Variants in MCC observed in about 807,000 individuals in gnomAD.
MCC encodes MCC regulator of Wnt signaling pathway, also known as colorectal mutant cancer protein.
MCC carries 90 observed loss-of-function variants against 116.2 expected under a neutral mutation model. The observed-to-expected ratio is 0.77, with a 90% CI of 0.65 to 0.92. The LOEUF is 0.92. Ranked by LOEUF, MCC falls within the 40% of genes least tolerant of loss-of-function variation. The pLI is 0.00. For synonymous variants in MCC, 578 were observed against 510.5 expected (o/e 1.13, Z -1.78); for missense variants, 1,516 against 1,312.2 (o/e 1.16, Z -2.40).
intron 11 of MCC, among the ~76,000 whole-genome samples, chr5:113,079,433 C>G (rs1754689068): frequency 6.6e-6 from 1 of 152,204 alleles, no homozygotes; most frequent in African/African-American, 2.4e-5. Context: ...GTAACCAAAA[C>G]AGCATGGTAC....
chr5:113,230,918 G>A (rs188330786), intron 3 of MCC, among the ~76,000 whole-genome samples: 282 of 152,108 alleles, frequency 1.9e-3, no homozygotes, highest in South Asian at 5.4e-3. Context: ...ATGCTCCTAC[G>A]TGCTCCCCAT....
intron 17 of MCC, among the ~76,000 whole-genome samples, chr5:113,036,075 G>A (rs964998764): frequency 3.2e-5 from 4 of 126,962 alleles, no homozygotes; most frequent in Admixed American, 1.9e-4. Context: ...TCACTCTTTC[G>A]CCCGGTCTGA....
intron 1 of MCC, among the ~76,000 whole-genome samples, chr5:113,474,671 G>A (rs1772189197): frequency 6.6e-6 from 1 of 152,192 alleles, no homozygotes; most frequent in Admixed American, 6.5e-5. Flanking sequence ...GGGCAAGCCT[G>A]CAGATTAGAA....
intron 4 of MCC, among the ~76,000 whole-genome samples, chr5:113,150,945 G>A (rs1759824597): frequency 6.6e-6 from 1 of 152,114 alleles, no homozygotes; most frequent in Admixed American, 6.5e-5. Flanking sequence ...TTGGGAGGCT[G>A]CGGTGTGAGG....
chr5:113,083,520 T>C (rs771082689), intron 10 of MCC, among the ~76,000 whole-genome samples: 3 of 152,212 alleles, frequency 2.0e-5, no homozygotes, highest in African/African-American at 7.2e-5. Flanking sequence ...GAGGATCAAA[T>C]AGCTGGCTCT....
chr5:113,215,243 T>C lies in MCC; in HGVS notation c.628-63821A>G, dbSNP rs527619598. ...ACTGTATTTTAGTTGCTTGGTATAA[T>C]AGCTTGTCTATTTCCTCTACTAGAC... On this transcript the variant is annotated intron_variant, in intron 3 of 18. Coordinates refer to ENST00000408903, the MANE Select transcript of MCC (RefSeq NM_001085377.2). 9.7e-4 allele frequency among the ~76,000 whole-genome samples: 147 copies of C among 152,312 alleles called. 1 individual carries two copies. The highest frequency in any genetic ancestry group is 3.5e-3 in the African/African-American group (144 of 41,574).
chr5:113,353,175 G>C (rs1768324571), intron 2 of MCC, among the ~76,000 whole-genome samples: 1 of 152,156 alleles, frequency 6.6e-6, no homozygotes, highest in Admixed American at 6.5e-5. Flanking sequence ...TGCTGGAAAT[G>C]CTGCTCCTCA....
In MCC at chr5:113,248,997, C is replaced by G. The variant is rs528900789; in HGVS notation, c.627+91522G>C. 2.6e-5 allele frequency among the ~76,000 whole-genome samples: 4 copies of G among 152,212 alleles called. No homozygotes were observed. The South Asian group carries it at 8.3e-4, about 32-fold the overall frequency. On this transcript the variant is annotated intron_variant, in intron 3 of 18. Coordinates refer to ENST00000408903, the MANE Select transcript of MCC (RefSeq NM_001085377.2). Reference sequence around the variant, plus strand: ...TAGCTGGGATTACAGGTGTGCATCACCATGCCTGGCTAATTTTTGTATTTT... The same window carrying G: ...TAGCTGGGATTACAGGTGTGCATCAGCATGCCTGGCTAATTTTTGTATTTT...
chr5:113,331,060 G>A (rs1470130153), intron 3 of MCC, among the ~76,000 whole-genome samples: 1 of 152,206 alleles, frequency 6.6e-6, no homozygotes, highest in Non-Finnish European at 1.5e-5. Flanking sequence ...ACAGATGCCC[G>A]GAAGATGCCA....
At chr5:113,035,034 C>G (rs1056377144) in intron 17 of MCC, among the ~76,000 whole-genome samples, 1 of 152,188 alleles carries the variant, frequency 6.6e-6, no homozygotes, top group Non-Finnish European at 1.5e-5. Flanking sequence ...TCTTAATCTT[C>G]TGGCCTTTCC....
At chr5:113,148,756 A>C (rs1023158256) in intron 4 of MCC, among the ~76,000 whole-genome samples, 3 of 152,166 alleles carry the variant, frequency 2.0e-5, no homozygotes, top group Non-Finnish European at 4.4e-5. Flanking sequence ...CCTAGGTTCC[A>C]GTATATGAAC....
intron 2 of MCC, among the ~76,000 whole-genome samples, chr5:113,364,238 G>GAA (rs60976854): frequency 6.2e-3 from 308 of 49,358 alleles, no homozygotes; most frequent in African/African-American, 8.6e-3. Context: ...CTCAAAAACA[G>GAA]AAAAAAAAAA....
intron 3 of MCC, among the ~76,000 whole-genome samples, chr5:113,224,126 ACT>A (rs1258678815): frequency 2.0e-5 from 3 of 151,856 alleles, no homozygotes; most frequent in Admixed American, 6.6e-5. Flanking sequence ...TCACTCACTC[ACT>A]CTGTCACCCA....
intron 4 of MCC, among the ~76,000 whole-genome samples, chr5:113,145,606 A>G (rs549642495): frequency 3.8e-4 from 58 of 152,284 alleles, no homozygotes; most frequent in African/African-American, 1.3e-3. Context: ...AAAACCACCA[A>G]AAGACCACCC....
chr5:113,252,930 C>T (rs1764856525), intron 3 of MCC, among the ~76,000 whole-genome samples: 1 of 152,268 alleles, frequency 6.6e-6, no homozygotes, highest in Non-Finnish European at 1.5e-5. Context: ...TGCAAGGGAA[C>T]TGGCGAACAT....
chr5:113,433,900 G>C, intron 1 of MCC: 28 of 1,613,986 alleles, frequency 1.7e-5, no homozygotes, highest in Non-Finnish European at 2.4e-5. Context: ...TCTCCCTCAG[G>C]CTCCAGCTTG....
intron 1 of MCC, among the ~76,000 whole-genome samples, chr5:113,461,946 G>C (rs934480862): frequency 6.6e-6 from 1 of 152,086 alleles, no homozygotes; most frequent in Non-Finnish European, 1.5e-5. Context: ...GGACACACTA[G>C]GTTAAAAATT....
intron 16 of MCC, among the ~76,000 whole-genome samples, chr5:113,045,119 T>C (rs1751985150): frequency 6.6e-6 from 1 of 152,208 alleles, no homozygotes; most frequent in South Asian, 2.1e-4. Flanking sequence ...CCTCACTTTT[T>C]GTATATCCAT....
rs375260940 is a variant in MCC, at chr5:113,400,931, T to A, written c.171-15719A>T. Among the ~76,000 whole-genome samples the A allele has an allele frequency of 3.3e-5, 5 of 152,316 alleles. No individual in the cohort carries two copies. In the East Asian group the frequency reaches 9.6e-4, roughly 29 times the overall value. ...AAATGAGTAAGTAGCTCTTAATATA[T>A]CAGTGTCCTTCCAAAAATCCCACTA... is the stretch of plus-strand genomic sequence containing the variant. On this transcript the variant is annotated intron_variant, in intron 1 of 18. Coordinates refer to ENST00000408903, the MANE Select transcript of MCC (RefSeq NM_001085377.2).
Sources: gnomAD v4.1 joint callset for allele counts (sites outside exome capture counted in the v4.1 genomes callset) on GRCh38, gnomAD v4.1.1 for gene constraint, MANE v1.5 for transcripts, NCBI Gene and HGNC (gene_info 2026-07-23, HGNC 2026-07-21) for gene names.